The following WWOX variants were observed in gnomAD, a reference collection of about 807,000 sequenced individuals.
WWOX encodes WW domain containing oxidoreductase.
WWOX carries 69 observed loss-of-function variants against 46.2 expected under a neutral mutation model. The ratio of observed to expected loss-of-function variants is 1.49; its 90% CI spans 1.23 to 1.82. WWOX has a LOEUF of 1.82. Among genes scored for constraint, WWOX ranks in the 40% most tolerant of loss-of-function variants. The pLI is 0.00. For missense variants in WWOX, 919 were observed against 542.6 expected (o/e 1.69, Z -6.89); for synonymous variants, 359 against 202.6 (o/e 1.77, Z -6.56).
At chr16:79,202,018 A>G (rs1346392630) in intron 8 of WWOX, among the ~76,000 whole-genome samples, 1 of 152,092 alleles carries the variant, frequency 6.6e-6, no homozygotes, top group Non-Finnish European at 1.5e-5. Flanking sequence ...GCAGAGATTG[A>G]CAAACTATGG....
At chr16:78,756,932 C>G in intron 8 of WWOX, 1 of 702,974 alleles carries the variant, frequency 1.4e-6, no homozygotes, top group Non-Finnish European at 2.6e-6. Flanking sequence ...GTGGATCATT[C>G]ACTCTAGGAA....
chr16:78,596,200 A>G lies in WWOX; in HGVS notation c.1056+163448A>G, dbSNP rs112029908. Among the ~76,000 whole-genome samples, 52 of 152,326 alleles carry G rather than the reference A, an allele frequency of 3.4e-4. 1 individual carries two copies. The highest frequency in any genetic ancestry group is 1.2e-3 in the African/African-American group (51 of 41,566). ...AGTGATATCAACAAAACAAAACATG[A>G]TATCCAAAGTCACCCTGTATGGTTG... On this transcript the variant is annotated intron_variant, in intron 8 of 8. Transcript: ENST00000566780.
intron 8 of WWOX, among the ~76,000 whole-genome samples, chr16:78,548,947 A>C (rs192591237): frequency 2.6e-4 from 40 of 152,192 alleles, no homozygotes; most frequent in African/African-American, 9.2e-4. Flanking sequence ...TGCCCCCCAA[A>C]TATAGCCCCA....
At chr16:78,509,717 C>G (rs1274370835) in intron 8 of WWOX, among the ~76,000 whole-genome samples, 1 of 152,088 alleles carries the variant, frequency 6.6e-6, no homozygotes, top group Non-Finnish European at 1.5e-5. Context: ...TTTATATTGT[C>G]TTGACTTAGA....
At chr16:78,699,049 G>C (rs1255922471) in intron 8 of WWOX, among the ~76,000 whole-genome samples, 3 of 152,150 alleles carry the variant, frequency 2.0e-5, no homozygotes, top group Non-Finnish European at 2.9e-5. Flanking sequence ...TAGCTTTGCA[G>C]TTCAGATGGT....
At chr16:78,789,875 C>G (rs1048989537) in intron 8 of WWOX, among the ~76,000 whole-genome samples, 6 of 152,114 alleles carry the variant, frequency 3.9e-5, no homozygotes, top group Admixed American at 6.5e-5. Context: ...TGGTTAGGAT[C>G]TTGGGCTTCC....
At chr16:78,191,241 C>T (rs2035874143) in intron 5 of WWOX, among the ~76,000 whole-genome samples, 1 of 152,264 alleles carries the variant, frequency 6.6e-6, no homozygotes, top group Middle Eastern at 3.4e-3. Flanking sequence ...CTCTTGGGGC[C>T]CACAGCTCCT....
chr16:78,539,332 A>G (rs907200227), intron 8 of WWOX, among the ~76,000 whole-genome samples: 2 of 152,248 alleles, frequency 1.3e-5, no homozygotes, highest in Non-Finnish European at 2.9e-5. Flanking sequence ...ATAACTCGCA[A>G]AAATATCCAG....
At chr16:78,808,893 G>A (rs2051112924) in intron 8 of WWOX, among the ~76,000 whole-genome samples, 2 of 152,102 alleles carry the variant, frequency 1.3e-5, no homozygotes, top group Admixed American at 1.3e-4. Flanking sequence ...GCTTGGTGGA[G>A]CCATCTAAAT....
chr16:78,956,234 C>G (rs374684712), intron 8 of WWOX, among the ~76,000 whole-genome samples: 2 of 152,158 alleles, frequency 1.3e-5, no homozygotes, highest in Non-Finnish European at 2.9e-5. Flanking sequence ...TAGCCTTGAC[C>G]TCGAGGGCTC....
At chr16:78,643,049 C>A (rs1005683268) in intron 8 of WWOX, among the ~76,000 whole-genome samples, 4 of 152,002 alleles carry the variant, frequency 2.6e-5, no homozygotes, top group Non-Finnish European at 4.4e-5. Context: ...TACTATTATC[C>A]CTGCTGCTGT....
chr16:78,239,740 G>A (rs1742063327), intron 5 of WWOX, among the ~76,000 whole-genome samples: 1 of 151,952 alleles, frequency 6.6e-6, no homozygotes, highest in African/African-American at 2.4e-5. Context: ...TTCACTTGTT[G>A]GCCAGGCTGG....
intron 8 of WWOX, among the ~76,000 whole-genome samples, chr16:78,529,600 G>A (rs370380910): frequency 1.3e-5 from 2 of 152,060 alleles, no homozygotes; most frequent in East Asian, 3.9e-4. Context: ...CTGAGTAGCT[G>A]GGATTACAGG....
chr16:78,932,194 C>G (rs936170759), intron 8 of WWOX, among the ~76,000 whole-genome samples: 1 of 152,190 alleles, frequency 6.6e-6, no homozygotes, highest in South Asian at 2.1e-4. Flanking sequence ...GTCCTTCGAA[C>G]ATGGAGGGGT....
intron 8 of WWOX, among the ~76,000 whole-genome samples, chr16:79,175,290 C>A (rs2050778565): frequency 6.6e-6 from 1 of 152,222 alleles, no homozygotes; most frequent in Admixed American, 6.5e-5. Context: ...CTTTATTCAA[C>A]ATAAGAAAGC....
rs533312044 is a variant in WWOX at position 78,313,784 on chromosome 16, A to G, written c.517-73076A>G. ...CTCTTCTATTATGGAAGAGGGCTAG[A>G]GAGGCCATCAGAATTTGGTTTCACT... On this transcript the variant is annotated intron_variant, in intron 5 of 8. Transcript: ENST00000566780. Among the ~76,000 whole-genome samples, 6 of 152,328 alleles carry G rather than the reference A, an allele frequency of 3.9e-5. No homozygotes were observed. In the East Asian group the frequency reaches 1.2e-3, roughly 29 times the overall value.
At chr16:78,209,197 T>G (rs551863695) in intron 5 of WWOX, among the ~76,000 whole-genome samples, 2 of 152,218 alleles carry the variant, frequency 1.3e-5, no homozygotes, top group Non-Finnish European at 2.9e-5. Context: ...AAATTTTAAA[T>G]AAGTTTACAT....
In WWOX at chr16:78,452,867, T is replaced by A. The variant is rs867564578; in HGVS notation, c.1056+20115T>A. On this transcript the variant is annotated intron_variant, in intron 8 of 8. Coordinates refer to ENST00000566780, the MANE Select transcript of WWOX (RefSeq NM_016373.4). ...CTGCTATTGTTTTCCAGTGAGCTAT[T>A]TATATATATATATACATATTTTTGA... 3.2e-4 allele frequency among the ~76,000 whole-genome samples: 41 copies of A among 127,700 alleles called. No homozygotes were observed. The East Asian group carries it at 4.3e-3, about 13-fold the overall frequency. The allele number at this position is 127,700 out of a possible 152,430, so 83.8% of individuals were successfully genotyped here. A position where few individuals can be genotyped will look rare whatever the true frequency, so the allele number is the denominator to read the frequency against.
At chr16:78,940,742 C>G (rs1340362333) in intron 8 of WWOX, among the ~76,000 whole-genome samples, 2 of 146,006 alleles carry the variant, frequency 1.4e-5, no homozygotes, top group Admixed American at 6.8e-5. Context: ...TTTTTTTTTC[C>G]CTTTCAGTAT....
Sources: gnomAD v4.1 joint callset for allele counts (sites outside exome capture counted in the v4.1 genomes callset) on GRCh38, gnomAD v4.1.1 for gene constraint, MANE v1.5 for transcripts, NCBI Gene and HGNC (gene_info 2026-07-23, HGNC 2026-07-21) for gene names.